CA12: variants seen among roughly 807,000 people sequenced by gnomAD.
The protein encoded by CA12 is carbonic anhydrase 12.
A neutral mutation model predicts 46.8 loss-of-function variants in CA12; 36 were observed. The ratio of observed to expected loss-of-function variants is 0.77; its 90% CI spans 0.59 to 1.02. The LOEUF (loss-of-function observed/expected upper bound fraction) is 1.02. Among genes scored for constraint, CA12 ranks in the 50% least tolerant of loss-of-function variants. The pLI, the probability that CA12 is intolerant of heterozygous loss-of-function variation, is 0.00. For missense variants in CA12, 436 were observed against 451.4 expected (o/e 0.97, Z 0.31); for synonymous variants, 202 against 187.0 (o/e 1.08, Z -0.65).
In CA12 at chr15:63,347,331, G is replaced by A. The variant is rs934017331; in HGVS notation, c.107-622C>T. On this transcript the variant is annotated intron_variant, in intron 2 of 10. Coordinates refer to ENST00000178638, the MANE Select transcript of CA12 (RefSeq NM_001218.5). ...GCTTTGCAAGTATGACCTTCCTGAA[G>A]AGAAACCCCTGAGGACATTGACTCT... is the stretch of plus-strand genomic sequence containing the variant. 7.2e-5 allele frequency among the ~76,000 whole-genome samples: 11 copies of A among 152,330 alleles called. No homozygotes were observed. In the South Asian group the frequency reaches 2.1e-3, roughly 29 times the overall value.
At chr15:63,356,144 G>A (rs1595786175) in intron 2 of CA12, among the ~76,000 whole-genome samples, 1 of 152,300 alleles carries the variant, frequency 6.6e-6, no homozygotes, top group African/African-American at 2.4e-5. Flanking sequence ...TGTAATCCCA[G>A]CACTTTGGGA....
chr15:63,381,725 G>C lies in CA12; in HGVS notation c.-5C>G. ...GTGCAGGCTGCGCCGGGGCATCTTCGCGGGCTCCTGCGGGGCGGGCGCGGG... is the reference window on the plus strand; with the variant it reads ...GTGCAGGCTGCGCCGGGGCATCTTCCCGGGCTCCTGCGGGGCGGGCGCGGG... On this transcript the variant is annotated 5_prime_UTR_variant, in exon 1 of 11. Transcript: ENST00000178638. 6.3e-7 allele frequency: 1 copy of C among 1,577,250 alleles called. No homozygotes were observed. Among genetic ancestry groups the C allele is most frequent in the Non-Finnish European group, 8.6e-7 (1 of 1,161,824 alleles).
At chr15:63,353,468 C>T (rs1326890561) in intron 2 of CA12, among the ~76,000 whole-genome samples, 15 of 152,180 alleles carry the variant, frequency 9.9e-5, no homozygotes, top group Admixed American at 9.8e-4. Flanking sequence ...TGGGTCCTGC[C>T]CTGTGCCAAG....
intron 4 of CA12, among the ~76,000 whole-genome samples, chr15:63,344,973 A>G (rs370407439): frequency 8.5e-5 from 13 of 152,164 alleles, no homozygotes; most frequent in African/African-American, 3.1e-4. Flanking sequence ...AGGTACCCCT[A>G]GACTTGTGGC....
At position 63,326,188 on chromosome 15, in the gene CA12, A is replaced by G; in HGVS notation, c.*97T>C. On this transcript the variant is annotated 3_prime_UTR_variant, in exon 11 of 11. Coordinates refer to ENST00000178638, the MANE Select transcript of CA12 (RefSeq NM_001218.5). Reference sequence around the variant, plus strand: ...CTGGCATGTTTGCAGATTGAGCTACAGAGAACACCTTGAGGTGTCGCAAGT... The same window carrying G: ...CTGGCATGTTTGCAGATTGAGCTACGGAGAACACCTTGAGGTGTCGCAAGT... The G allele has an allele frequency of 1.1e-6, 1 of 941,856 alleles. No individual in the cohort carries two copies. The highest frequency in any genetic ancestry group is 1.7e-6 in the Non-Finnish European group (1 of 573,520). The allele number at this position is 941,856 out of a possible 1,614,324, so 58.3% of individuals were successfully genotyped here. A position where few individuals can be genotyped will look rare whatever the true frequency, so the allele number is the denominator to read the frequency against.
At position 63,377,189 on chromosome 15, in the gene CA12, T is replaced by C. The variant is rs532287419; in HGVS notation, c.86-1511A>G. The stretch of plus-strand genomic sequence containing the variant: ...CTCTTCACCTCCGAGGAAGGGACCC[T>C]GAGTAGAGAAGCATCCCACTGTGTG... On this transcript the variant is annotated intron_variant, in intron 1 of 10. Transcript: ENST00000178638. Among the ~76,000 whole-genome samples, 290 of 152,290 alleles carry C rather than the reference T, an allele frequency of 1.9e-3. 1 individual carries two copies. The highest frequency in any genetic ancestry group is 6.1e-3 in the African/African-American group (253 of 41,552).
rs2039543740 is a variant in CA12 at position 63,374,276 on chromosome 15, T to C, written c.106+1382A>G. Among the ~76,000 whole-genome samples, 1 of 152,064 alleles carries C rather than the reference T, an allele frequency of 6.6e-6. No homozygotes were observed. The highest frequency in any genetic ancestry group is 2.4e-5 in the African/African-American group (1 of 41,410). Reference sequence around the variant, plus strand: ...CCACCTTGCTCTTTCTTGCTTCTGCTCAACATCACCTTAGCCAACAGCACC... The same window carrying C: ...CCACCTTGCTCTTTCTTGCTTCTGCCCAACATCACCTTAGCCAACAGCACC... On this transcript the variant is annotated intron_variant, in intron 2 of 10. Transcript: ENST00000178638. This position sits in a 1 kb window ranked among gnomAD's most constrained non-coding sequence, Gnocchi z 4.4.
In CA12 at chr15:63,345,719, C is replaced by G. The variant is rs1187453588; in HGVS notation, c.287-100G>C. The G allele has an allele frequency of 7.5e-6, 11 of 1,464,104 alleles. No individual in the cohort carries two copies. Among genetic ancestry groups the G allele is most frequent in the Admixed American group, 2.0e-5 (1 of 51,134 alleles). 90.7% of individuals were successfully genotyped at this position (1,464,104 alleles called of 1,614,324 possible). A position where few individuals can be genotyped will look rare whatever the true frequency, so the allele number is the denominator to read the frequency against. On this transcript the variant is annotated intron_variant, in intron 3 of 10. Transcript: ENST00000178638. The surrounding 1 kb of genome is among the most constrained non-coding windows in gnomAD (Gnocchi z 4.3). ...GCTCCCTCCACCCCTGCTGCCACCC[C>G]CTGGAGCCCAGAGAGAGGCAGGTGG...
At chr15:63,376,557 C>CCTTCCTTTCTTT (rs1555432625) in intron 1 of CA12, among the ~76,000 whole-genome samples, 5 of 104,526 alleles carry the variant, frequency 4.8e-5, no homozygotes, top group Non-Finnish European at 7.8e-5. Flanking sequence ...CTCTTTCTTT[C>CCTTCCTTTCTTT]CTTTCTTTCT....
rs2038892943 is a variant in CA12, at chr15:63,328,210, T to C, written c.875-80A>G. Reference sequence around the variant, plus strand: ...TTGAGCAGCGTGTTGAGAGACGCTCTACCATTTGTTTGGTCTTAGGCTGAC... The same window carrying C: ...TTGAGCAGCGTGTTGAGAGACGCTCCACCATTTGTTTGGTCTTAGGCTGAC... On this transcript the variant is annotated intron_variant, in intron 8 of 10. Transcript: ENST00000178638. This position sits in a 1 kb window ranked among gnomAD's most constrained non-coding sequence, Gnocchi z 5.9. The C allele has an allele frequency of 7.6e-7, 1 of 1,309,278 alleles. No individual in the cohort carries two copies. Among genetic ancestry groups the C allele is most frequent in the Non-Finnish European group, 1.1e-6 (1 of 905,684 alleles). The allele number at this position is 1,309,278 out of a possible 1,614,324, so 81.1% of individuals were successfully genotyped here.
At position 63,326,211 on chromosome 15, in the gene CA12, A is replaced by C; in HGVS notation, c.*74T>G. 1 of 1,109,358 alleles carries C rather than the reference A, an allele frequency of 9.0e-7. No homozygotes were observed. The highest frequency in any genetic ancestry group is 1.4e-6 in the Non-Finnish European group (1 of 720,886). The allele number at this position is 1,109,358 out of a possible 1,614,324, so 68.7% of individuals were successfully genotyped here. On this transcript the variant is annotated 3_prime_UTR_variant, in exon 11 of 11. Transcript: ENST00000178638. Reference sequence around the variant, plus strand: ...ACAGAGAACACCTTGAGGTGTCGCAAGTGTCCAGAGAGCCGAAGTGTGTAG... The same window carrying C: ...ACAGAGAACACCTTGAGGTGTCGCACGTGTCCAGAGAGCCGAAGTGTGTAG...
At position 63,324,872 on chromosome 15, in the gene CA12, C is replaced by T. The variant is rs2038845619; in HGVS notation, c.*1413G>A. 6.6e-6 allele frequency: 1 copy of T among 151,874 alleles called. No individual in the cohort carries two copies. Among genetic ancestry groups the T allele is most frequent in the Non-Finnish European group, 1.5e-5 (1 of 67,972 alleles). The allele number at this position is 151,874 out of a possible 1,614,324, so 9.4% of individuals were successfully genotyped here. A position where few individuals can be genotyped will look rare whatever the true frequency, so the allele number is the denominator to read the frequency against. On this transcript the variant is annotated 3_prime_UTR_variant, in exon 11 of 11. Transcript: ENST00000178638. ...TTTAAAAAGCTATGCTTCAAGAGGACATTTCATGCTGTCAAAATGAGACTG... is the reference window on the plus strand; with the variant it reads ...TTTAAAAAGCTATGCTTCAAGAGGATATTTCATGCTGTCAAAATGAGACTG...
intron 2 of CA12, among the ~76,000 whole-genome samples, chr15:63,347,602 C>G (rs1048709856): frequency 6.6e-6 from 1 of 152,178 alleles, no homozygotes. Context: ...CAGTTCCTCC[C>G]CTGGAAATGA....
At chr15:63,357,272 A>G (rs1160396313) in intron 2 of CA12, among the ~76,000 whole-genome samples, 1 of 152,234 alleles carries the variant, frequency 6.6e-6, no homozygotes, top group East Asian at 1.9e-4. Context: ...CCACACCCTC[A>G]GAGTTTCTGA....
chr15:63,341,344 G>A lies in CA12; in HGVS notation c.526-561C>T, dbSNP rs149893981. ...GGCCGCACAGCAGGAGGTGAGCAGC[G>A]GGCAAGCAAGCATTACAGCCTGAGC... On this transcript the variant is annotated intron_variant, in intron 5 of 10. Coordinates refer to ENST00000178638, the MANE Select transcript of CA12 (RefSeq NM_001218.5). This position sits in a 1 kb window ranked among gnomAD's most constrained non-coding sequence, Gnocchi z 5.2. Among the ~76,000 whole-genome samples, 744 of 152,338 alleles carry A rather than the reference G, an allele frequency of 4.9e-3. 9 individuals carry two copies. The highest frequency in any genetic ancestry group is 0.017 in the African/African-American group (695 of 41,584).
chr15:63,340,836 C>G lies in CA12; in HGVS notation c.526-53G>C. 6.5e-7 allele frequency: 1 copy of G among 1,532,560 alleles called. No individual in the cohort carries two copies. Among genetic ancestry groups the G allele is most frequent in the Non-Finnish European group, 9.0e-7 (1 of 1,106,260 alleles). 94.9% of individuals were successfully genotyped at this position (1,532,560 alleles called of 1,614,324 possible). A position where few individuals can be genotyped will look rare whatever the true frequency, so the allele number is the denominator to read the frequency against. Reference sequence around the variant, plus strand: ...TGGGACAGAACAGGATAGGCTGAGCCAGGATTGACGATTGCTATCAGAAGG... The same window carrying G: ...TGGGACAGAACAGGATAGGCTGAGCGAGGATTGACGATTGCTATCAGAAGG... On this transcript the variant is annotated intron_variant, in intron 5 of 10. Coordinates refer to ENST00000178638, the MANE Select transcript of CA12 (RefSeq NM_001218.5). This position sits in a 1 kb window ranked among gnomAD's most constrained non-coding sequence, Gnocchi z 4.4.
chr15:63,359,141 C>A (rs1428841056), intron 2 of CA12, among the ~76,000 whole-genome samples: 4 of 152,170 alleles, frequency 2.6e-5, no homozygotes, highest in Non-Finnish European at 5.9e-5. Context: ...CAGCTCTGCC[C>A]CTGCCCAGTT....
In CA12 at chr15:63,328,278, T is replaced by A. The variant is rs1028213414; in HGVS notation, c.875-148A>T. On this transcript the variant is annotated intron_variant, in intron 8 of 10. Coordinates refer to ENST00000178638, the MANE Select transcript of CA12 (RefSeq NM_001218.5). This position sits in a 1 kb window ranked among gnomAD's most constrained non-coding sequence, Gnocchi z 5.9. ...CACCCTTGGCTCAGGGATTGCCTGA[T>A]GAAGTACAGGAAATTGCCCATCTAG... The A allele has an allele frequency of 4.1e-6, 3 of 740,584 alleles. No homozygotes were observed. The highest frequency in any genetic ancestry group is 7.3e-6 in the Non-Finnish European group (3 of 412,438). The allele number at this position is 740,584 out of a possible 1,614,324, so 45.9% of individuals were successfully genotyped here.
rs1340772625 is a variant in CA12 at position 63,339,169 on chromosome 15, CG to C, written c.748-225del. Among the ~76,000 whole-genome samples, 1 of 152,052 alleles carries C rather than the reference CG, an allele frequency of 6.6e-6. No homozygotes were observed. Among genetic ancestry groups the C allele is most frequent in the Non-Finnish European group, 1.5e-5 (1 of 68,018 alleles). On this transcript the variant is annotated intron_variant, in intron 7 of 10. Transcript: ENST00000178638. The surrounding 1 kb of genome is among the most constrained non-coding windows in gnomAD (Gnocchi z 4.3). Reference sequence around the variant, plus strand: ...GCGCTGGGTTTATCTTCCCAGCACCCGAGACTTCAGGGAAAGGCAGTGCTGT... The same window carrying C: ...GCGCTGGGTTTATCTTCCCAGCACCCAGACTTCAGGGAAAGGCAGTGCTGT...
Sources: gnomAD v4.1 joint callset for allele counts (sites outside exome capture counted in the v4.1 genomes callset) on GRCh38, gnomAD v4.1.1 for gene constraint, Gnocchi (gnomAD v3.1) non-coding constraint, MANE v1.5 for transcripts, NCBI Gene and HGNC (gene_info 2026-07-23, HGNC 2026-07-21) for gene names.